The following GALNT1 variants were observed in gnomAD, a reference collection of about 807,000 sequenced individuals.
GALNT1 encodes polypeptide N-acetylgalactosaminyltransferase 1.
A neutral mutation model predicts 65.7 loss-of-function variants in GALNT1; 17 were observed. That is an observed-to-expected ratio of 0.26 (90% CI 0.18 to 0.39). The LOEUF (loss-of-function observed/expected upper bound fraction) is 0.39, where lower values mean the gene tolerates loss of function less well. GALNT1 is among the 10% of genes least tolerant of loss of function. GALNT1 has a pLI of 1.00. For missense variants in GALNT1, 460 were observed against 672.8 expected (o/e 0.68, Z 3.50); for synonymous variants, 210 against 219.7 (o/e 0.96, Z 0.39).
chr18:35,616,009 A>G (rs2046779601), intron 1 of GALNT1, among the ~76,000 whole-genome samples: 1 of 152,164 alleles, frequency 6.6e-6, no homozygotes, highest in African/African-American at 2.4e-5. Context: ...ATATAAATGA[A>G]TGAGAGTGGC....
intron 1 of GALNT1, among the ~76,000 whole-genome samples, chr18:35,635,146 A>G (rs1057270852): frequency 6.6e-6 from 1 of 152,166 alleles, no homozygotes; most frequent in African/African-American, 2.4e-5. Context: ...GGTAAATGGT[A>G]GAGTGGGTAG....
chr18:35,660,185 AT>A, intron 2 of GALNT1, among the ~76,000 whole-genome samples: 1 of 152,170 alleles, frequency 6.6e-6, no homozygotes, highest in East Asian at 1.9e-4. Context: ...GGGAGAAATG[AT>A]TTTAGCCTTT....
At chr18:35,684,984 A>G (rs1395050194) in intron 5 of GALNT1, among the ~76,000 whole-genome samples, 6 of 152,236 alleles carry the variant, frequency 3.9e-5, no homozygotes, top group Non-Finnish European at 5.9e-5. Flanking sequence ...CCACCACATC[A>G]GAGAAAACTT....
At chr18:35,684,082 A>G (rs2047829314) in intron 5 of GALNT1, among the ~76,000 whole-genome samples, 1 of 152,252 alleles carries the variant, frequency 6.6e-6, no homozygotes, top group African/African-American at 2.4e-5. Context: ...ACAGTGGTGT[A>G]ATGAACACCT....
At chr18:35,606,510 G>A (rs187255553) in intron 1 of GALNT1, among the ~76,000 whole-genome samples, 1 of 152,216 alleles carries the variant, frequency 6.6e-6, no homozygotes, top group East Asian at 1.9e-4. Flanking sequence ...TTATTTTAAA[G>A]CCACTTTTAG....
chr18:35,633,557 G>A (rs1461749405), intron 1 of GALNT1, among the ~76,000 whole-genome samples: 1 of 140,362 alleles, frequency 7.1e-6, no homozygotes, highest in Admixed American at 7.2e-5. Context: ...GATGGGGGAG[G>A]GGGGAGGGAT....
At chr18:35,676,505 G>A (rs1239311640) in intron 3 of GALNT1, among the ~76,000 whole-genome samples, 2 of 152,138 alleles carry the variant, frequency 1.3e-5, no homozygotes, top group Non-Finnish European at 2.9e-5. Flanking sequence ...TGTTCGATAA[G>A]AAGTTACTTC....
intron 1 of GALNT1, among the ~76,000 whole-genome samples, chr18:35,590,488 T>C (rs1461889101): frequency 1.3e-5 from 2 of 152,168 alleles, no homozygotes; most frequent in Non-Finnish European, 2.9e-5. Context: ...GACAGTTCTT[T>C]AGGTTTAAGC....
chr18:35,654,299 T>A lies in GALNT1; in HGVS notation c.-103-261T>A, dbSNP rs543554866. On this transcript the variant is annotated intron_variant, in intron 1 of 11. Coordinates refer to ENST00000269195, the MANE Select transcript of GALNT1 (RefSeq NM_020474.4). ...GTTTCCATTCTACAAAGTACCTGTT[T>A]ATGTCCTTTACCTATTTTCCTATTG... Among the ~76,000 whole-genome samples, 6 of 152,326 alleles carry A rather than the reference T, an allele frequency of 3.9e-5. No homozygotes were observed. The East Asian group carries it at 1.2e-3, about 29-fold the overall frequency.
chr18:35,656,025 A>G (rs2047380053), intron 2 of GALNT1, among the ~76,000 whole-genome samples: 1 of 152,218 alleles, frequency 6.6e-6, no homozygotes, highest in African/African-American at 2.4e-5. Context: ...GTTGGGTGAC[A>G]AAATGTTGCC....
chr18:35,637,416 A>G (rs1050748018), intron 1 of GALNT1, among the ~76,000 whole-genome samples: 3 of 152,234 alleles, frequency 2.0e-5, no homozygotes, highest in African/African-American at 7.2e-5. Context: ...GAACAGCTTT[A>G]TTGCTGACAA....
chr18:35,633,059 G>A (rs1335998148), intron 1 of GALNT1, among the ~76,000 whole-genome samples: 1 of 152,196 alleles, frequency 6.6e-6, no homozygotes, highest in Non-Finnish European at 1.5e-5. Context: ...TGCTGGAGAG[G>A]TTGTGGAGAA....
intron 2 of GALNT1, among the ~76,000 whole-genome samples, chr18:35,662,158 T>C (rs1038291946): frequency 6.6e-6 from 1 of 152,224 alleles, no homozygotes; most frequent in Non-Finnish European, 1.5e-5. Flanking sequence ...ATTACACTTC[T>C]GTACTTATAG....
intron 1 of GALNT1, among the ~76,000 whole-genome samples, chr18:35,604,334 T>C (rs1438144098): frequency 6.6e-6 from 1 of 152,228 alleles, no homozygotes; most frequent in Non-Finnish European, 1.5e-5. Flanking sequence ...GATGGGCATC[T>C]AGATTGATTT....
intron 1 of GALNT1, among the ~76,000 whole-genome samples, chr18:35,630,005 A>G (rs989773475): frequency 6.6e-6 from 1 of 152,274 alleles, no homozygotes; most frequent in Non-Finnish European, 1.5e-5. Context: ...AAGAAGAGCT[A>G]TCTTAAATAT....
At position 35,683,567 on chromosome 18, in the gene GALNT1, G is replaced by A. The variant is rs755114870; in HGVS notation, c.658G>A (p.Glu220Lys). 5.8e-5 allele frequency: 94 copies of A among 1,613,590 alleles called. No individual in the cohort carries two copies. The highest frequency in any genetic ancestry group is 7.5e-5 in the Non-Finnish European group (89 of 1,179,732). Residue 220 changes from glutamate to lysine, a missense_variant, in exon 5 of 12, where the codon GAG (glutamate) becomes AAG (lysine). Glu to Lys is a moderately conservative substitution (Grantham distance 56). Transcript: ENST00000269195. ...TTGTGAGTGTACAGTGGGATGGCTG[G>A]AGCCTCTCTTGGCCAGGATCAAACA... is the stretch of plus-strand genomic sequence containing the variant. ...AHCECTVGWL[E>K]PLLARIKHDR...
intron 1 of GALNT1, among the ~76,000 whole-genome samples, chr18:35,604,361 T>C (rs2046620837): frequency 6.6e-6 from 1 of 152,240 alleles, no homozygotes; most frequent in African/African-American, 2.4e-5. Flanking sequence ...TTTGCTATTG[T>C]GAGTAGTGCT....
intron 8 of GALNT1, among the ~76,000 whole-genome samples, chr18:35,691,441 A>T (rs952552951): frequency 3.3e-5 from 5 of 152,216 alleles, no homozygotes; most frequent in African/African-American, 1.2e-4. Context: ...CAGATGTTCT[A>T]TTTTTTTTAA....
At chr18:35,646,530 A>G (rs899847896) in intron 1 of GALNT1, among the ~76,000 whole-genome samples, 5 of 152,196 alleles carry the variant, frequency 3.3e-5, no homozygotes, top group Admixed American at 6.5e-5. Context: ...GTTTCTTACT[A>G]TGTGGACCTC....
Sources: gnomAD v4.1 joint callset for allele counts (sites outside exome capture counted in the v4.1 genomes callset) on GRCh38, gnomAD v4.1.1 for gene constraint, MANE v1.5 for transcripts, NCBI Gene and HGNC (gene_info 2026-07-23, HGNC 2026-07-21) for gene names.